The following WWOX variants were observed in gnomAD, a reference collection of about 807,000 sequenced individuals.
The protein encoded by WWOX is WW domain-containing oxidoreductase.
In WWOX, 69 loss-of-function variants were observed where a neutral mutation model predicts 46.2. That is an observed-to-expected ratio of 1.49 (90% CI 1.23 to 1.82). The LOEUF (loss-of-function observed/expected upper bound fraction) is 1.82, where lower values mean the gene tolerates loss of function less well. WWOX is among the 40% of genes most tolerant of loss of function. WWOX has a pLI of 0.00. For synonymous variants in WWOX, 359 were observed against 202.6 expected (o/e 1.77, Z -6.56); for missense variants, 919 against 542.6 (o/e 1.69, Z -6.89).
intron 8 of WWOX, among the ~76,000 whole-genome samples, chr16:78,665,952 T>C (rs2047323113): frequency 6.6e-6 from 1 of 151,638 alleles, no homozygotes; most frequent in Admixed American, 6.6e-5. Flanking sequence ...CCCAAAGCTC[T>C]GGGATTACAG....
intron 8 of WWOX, among the ~76,000 whole-genome samples, chr16:78,781,324 AG>A (rs1258185606): frequency 6.6e-6 from 1 of 152,164 alleles, no homozygotes; most frequent in Non-Finnish European, 1.5e-5. Context: ...AGGACAGGAA[AG>A]GGGAGCTGTG....
chr16:78,771,741 C>T (rs1166595554), intron 8 of WWOX, among the ~76,000 whole-genome samples: 5 of 151,258 alleles, frequency 3.3e-5, no homozygotes, highest in Admixed American at 3.3e-4. Context: ...CACTGCACTT[C>T]AGCTTGGGCA....
chr16:78,329,664 GCT>G (rs1427466456), intron 5 of WWOX, among the ~76,000 whole-genome samples: 1 of 152,132 alleles, frequency 6.6e-6, no homozygotes, highest in Non-Finnish European at 1.5e-5. Flanking sequence ...GGGGAAGCGT[GCT>G]CTGTTATTCT....
intron 8 of WWOX, among the ~76,000 whole-genome samples, chr16:78,831,966 C>A (rs2051839726): frequency 6.6e-6 from 1 of 152,158 alleles, no homozygotes; most frequent in Non-Finnish European, 1.5e-5. Context: ...TTGCTCTTGT[C>A]ACTTTTGCCT....
intron 8 of WWOX, among the ~76,000 whole-genome samples, chr16:78,838,092 G>T (rs2052039237): frequency 6.6e-6 from 1 of 152,138 alleles, no homozygotes; most frequent in African/African-American, 2.4e-5. Context: ...TTTGTCTCTG[G>T]GGTTGTGGGG....
intron 8 of WWOX, among the ~76,000 whole-genome samples, chr16:78,628,183 T>C (rs1200160995): frequency 6.6e-6 from 1 of 152,194 alleles, no homozygotes; most frequent in Non-Finnish European, 1.5e-5. Flanking sequence ...CTTGGAATTG[T>C]CATGGCTGCC....
At chr16:79,010,815 C>T (rs74032494) in intron 8 of WWOX, among the ~76,000 whole-genome samples, 1,501 of 22,156 alleles carry the variant, frequency 0.068, 28 homozygotes, top group African/African-American at 0.18. Context: ...CACACTGGGG[C>T]GGGGGTGGGG....
intron 8 of WWOX, among the ~76,000 whole-genome samples, chr16:79,172,885 G>A (rs1370967886): frequency 1.3e-5 from 2 of 151,336 alleles, no homozygotes; most frequent in East Asian, 1.9e-4. Flanking sequence ...GCCAGGTGTA[G>A]TGGTGTGCGC....
intron 4 of WWOX, among the ~76,000 whole-genome samples, chr16:78,125,978 A>G (rs971584140): frequency 6.6e-6 from 1 of 152,186 alleles, no homozygotes; most frequent in African/African-American, 2.4e-5. Flanking sequence ...AAAAACCCCA[A>G]TTCTTACCAG....
At chr16:78,837,887 C>T (rs997191481) in intron 8 of WWOX, among the ~76,000 whole-genome samples, 1 of 152,116 alleles carries the variant, frequency 6.6e-6, no homozygotes, top group East Asian at 1.9e-4. Context: ...ATTATTGTCC[C>T]CATTTTACAG....
intron 8 of WWOX, among the ~76,000 whole-genome samples, chr16:79,197,585 C>G (rs1041011668): frequency 2.0e-5 from 3 of 152,156 alleles, no homozygotes; most frequent in Non-Finnish European, 4.4e-5. Context: ...ATTTAATTAT[C>G]AGACCATTTC....
chr16:78,942,888 C>G (rs1042956728), intron 8 of WWOX, among the ~76,000 whole-genome samples: 1 of 152,174 alleles, frequency 6.6e-6, no homozygotes, highest in Non-Finnish European at 1.5e-5. Context: ...AAGAGATGTT[C>G]TTTGCTTCTT....
intron 5 of WWOX, among the ~76,000 whole-genome samples, chr16:78,356,664 C>T (rs367964584): frequency 4.3e-4 from 66 of 152,232 alleles, no homozygotes; most frequent in African/African-American, 1.5e-3. Context: ...GAGTGGATCA[C>T]GAGGTCAGCA....
chr16:78,406,306 ATATATATAT>A, intron 6 of WWOX, among the ~76,000 whole-genome samples: 1 of 8,488 alleles, frequency 1.2e-4, no homozygotes, highest in Admixed American at 1.7e-3. Context: ...AAATATAAAT[ATATATATAT>A]ATATATATAT....
chr16:79,184,916 A>C (rs1446818039), intron 8 of WWOX, among the ~76,000 whole-genome samples: 2 of 152,318 alleles, frequency 1.3e-5, no homozygotes, highest in East Asian at 3.9e-4. Context: ...TTGGATAATC[A>C]TTGGCTGTAG....
At chr16:78,868,780 C>G (rs1470720784) in intron 8 of WWOX, among the ~76,000 whole-genome samples, 3 of 152,176 alleles carry the variant, frequency 2.0e-5, no homozygotes, top group Non-Finnish European at 4.4e-5. Flanking sequence ...GCCCCTAACC[C>G]TCAGATAATG....
chr16:78,452,786 A>G (rs1026927852), intron 8 of WWOX, among the ~76,000 whole-genome samples: 10 of 150,502 alleles, frequency 6.6e-5, no homozygotes, highest in African/African-American at 2.5e-4. Flanking sequence ...CTTAATAAAT[A>G]CGTATTTATG....
chr16:78,578,593 T>G (rs1216182119), intron 8 of WWOX, among the ~76,000 whole-genome samples: 1 of 151,918 alleles, frequency 6.6e-6, no homozygotes, highest in African/African-American at 2.4e-5. Context: ...TGGCGAAAAT[T>G]ATATATTATA....
chr16:78,258,060 A>G (rs2151834169), intron 5 of WWOX, among the ~76,000 whole-genome samples: 1 of 152,352 alleles, frequency 6.6e-6, no homozygotes, highest in South Asian at 2.1e-4. Context: ...TTGTGTGACA[A>G]TTATGACTTC....
Sources: gnomAD v4.1 joint callset for allele counts (sites outside exome capture counted in the v4.1 genomes callset) on GRCh38, gnomAD v4.1.1 for gene constraint, MANE v1.5 for transcripts, NCBI Gene and HGNC (gene_info 2026-07-23, HGNC 2026-07-21) for gene names.